Variants in STK3 observed in about 807,000 individuals in gnomAD.
STK3 encodes serine/threonine-protein kinase 3.
STK3 carries 41 observed loss-of-function variants against 58.0 expected under a neutral mutation model. The ratio of observed to expected loss-of-function variants is 0.71; its 90% CI spans 0.55 to 0.92. The LOEUF (loss-of-function observed/expected upper bound fraction) is 0.92. Among genes scored for constraint, STK3 ranks in the 40% least tolerant of loss-of-function variants. The pLI is 0.00. For synonymous variants in STK3, 170 were observed against 191.0 expected (o/e 0.89, Z 0.91); for missense variants, 479 against 602.7 (o/e 0.79, Z 2.15).
At chr8:98,491,413 G>A (rs1242997930) in intron 10 of STK3, among the ~76,000 whole-genome samples, 2 of 151,906 alleles carry the variant, frequency 1.3e-5, no homozygotes, top group African/African-American at 2.4e-5. Context: ...AACAATTTGG[G>A]AAGATTCACC....
At chr8:98,716,277 A>C (rs1167823735) in intron 4 of STK3, among the ~76,000 whole-genome samples, 1 of 152,180 alleles carries the variant, frequency 6.6e-6, no homozygotes, top group Non-Finnish European at 1.5e-5. Context: ...TAAAACTTAA[A>C]GTATAATAAA....
At chr8:98,741,572 A>G (rs1023597037) in intron 4 of STK3, among the ~76,000 whole-genome samples, 23 of 152,228 alleles carry the variant, frequency 1.5e-4, no homozygotes, top group African/African-American at 2.2e-4. Flanking sequence ...AACATACCAG[A>G]ATCGCTGGGA....
At chr8:98,405,448 T>C (rs1297436386) in intron 3 of STK3, among the ~76,000 whole-genome samples, 1 of 152,240 alleles carries the variant, frequency 6.6e-6, no homozygotes, top group African/African-American at 2.4e-5. Context: ...ATTATTATTA[T>C]CTTATTATTA....
At chr8:98,626,709 G>A (rs1423331435) in intron 6 of STK3, among the ~76,000 whole-genome samples, 1 of 152,152 alleles carries the variant, frequency 6.6e-6, no homozygotes, top group Admixed American at 6.5e-5. Context: ...TGAGGATAAG[G>A]TATTCTTTCA....
chr8:98,805,581 A>C (rs890269601), intron 1 of STK3, among the ~76,000 whole-genome samples: 6 of 151,250 alleles, frequency 4.0e-5, no homozygotes, highest in African/African-American at 1.5e-4. Context: ...TCTCCAAAAA[A>C]TAATAATAAT....
intron 10 of STK3, among the ~76,000 whole-genome samples, chr8:98,488,842 G>A (rs1302533420): frequency 6.6e-6 from 1 of 152,116 alleles, no homozygotes; most frequent in Non-Finnish European, 1.5e-5. Context: ...ACAGTCATTC[G>A]GAATAAAAGC....
chr8:98,837,545 A>G (rs1447206287), intron 3 of STK3, among the ~76,000 whole-genome samples: 3 of 152,202 alleles, frequency 2.0e-5, no homozygotes, highest in Admixed American at 1.3e-4. Flanking sequence ...ACAGCCACAG[A>G]GCTAAGGAAG....
chr8:98,720,479 G>A (rs1022864835), intron 4 of STK3, among the ~76,000 whole-genome samples: 11 of 152,122 alleles, frequency 7.2e-5, no homozygotes, highest in East Asian at 1.9e-4. Flanking sequence ...GGCCAGGCAC[G>A]GTGGCTCACG....
chr8:98,818,791 G>A (rs1260433717), intron 1 of STK3, among the ~76,000 whole-genome samples: 1 of 151,930 alleles, frequency 6.6e-6, no homozygotes, highest in Non-Finnish European at 1.5e-5. Flanking sequence ...TAATCTTCAT[G>A]TCGATATTCA....
At chr8:98,466,302 T>C (rs1292701826) in intron 10 of STK3, among the ~76,000 whole-genome samples, 7 of 152,220 alleles carry the variant, frequency 4.6e-5, no homozygotes, top group African/African-American at 1.7e-4. Context: ...CAAACCTCTG[T>C]GGAGCAATAA....
intron 6 of STK3, chr8:98,598,050 C>T: frequency 1.0e-6 from 1 of 985,388 alleles, no homozygotes; most frequent in Non-Finnish European, 1.2e-6. Flanking sequence ...GAACTCTCAT[C>T]TCTGTGAAAC....
intron 10 of STK3, among the ~76,000 whole-genome samples, chr8:98,508,282 T>C (rs940461925): frequency 6.6e-6 from 1 of 152,172 alleles, no homozygotes; most frequent in Non-Finnish European, 1.5e-5. Context: ...ACTATTATCA[T>C]AGGTGGCAAA....
At chr8:98,743,402 A>T (rs978516379) in intron 4 of STK3, among the ~76,000 whole-genome samples, 1 of 152,210 alleles carries the variant, frequency 6.6e-6, no homozygotes, top group Non-Finnish European at 1.5e-5. Flanking sequence ...GATCAATGGA[A>T]CAGAACAGAG....
At chr8:98,377,317 C>G (rs868594987) in intron 2 of STK3, among the ~76,000 whole-genome samples, 35 of 152,138 alleles carry the variant, frequency 2.3e-4, no homozygotes, top group African/African-American at 8.0e-4. Flanking sequence ...ATTTGAATTT[C>G]ACTTCTTCGG....
At chr8:98,676,308 A>G (rs747596365) in intron 6 of STK3, among the ~76,000 whole-genome samples, 3 of 152,322 alleles carry the variant, frequency 2.0e-5, no homozygotes, top group South Asian at 4.1e-4. Context: ...GAGTAATACG[A>G]AAGTATTTAA....
At chr8:98,856,367 A>G (rs1836681936) in intron 3 of STK3, among the ~76,000 whole-genome samples, 1 of 152,036 alleles carries the variant, frequency 6.6e-6, no homozygotes, top group South Asian at 2.1e-4. Flanking sequence ...AAAAAGCCAA[A>G]TAACACAATT....
At chr8:98,708,846 GT>G (rs1234426495) in intron 4 of STK3, among the ~76,000 whole-genome samples, 1 of 151,586 alleles carries the variant, frequency 6.6e-6, no homozygotes, top group Non-Finnish European at 1.5e-5. Context: ...GAGAGGGGCT[GT>G]CTTTTGTCAT....
chr8:98,726,266 GTAAACTTAA>G (rs1563933673), intron 4 of STK3, among the ~76,000 whole-genome samples: 1 of 152,194 alleles, frequency 6.6e-6, no homozygotes, highest in Non-Finnish European at 1.5e-5. Flanking sequence ...AAATACCTTT[GTAAACTTAA>G]TTTACTTAGT....
At chr8:98,491,041 A>C (rs1289068256) in intron 10 of STK3, among the ~76,000 whole-genome samples, 1 of 152,170 alleles carries the variant, frequency 6.6e-6, no homozygotes, top group Non-Finnish European at 1.5e-5. Context: ...AAAGTGGAAA[A>C]GATAGCAAGA....
Sources: allele counts gnomAD v4.1 joint callset (sites outside exome capture counted in the v4.1 genomes callset), GRCh38; gene constraint gnomAD v4.1.1; transcripts MANE v1.5; gene names NCBI Gene and HGNC (gene_info 2026-07-23, HGNC 2026-07-21).